The following AKAP19 variants were observed in gnomAD, a reference collection of about 807,000 sequenced individuals.
AKAP19 encodes the protein small A-kinase anchoring protein.
chr2:189,940,151 C>G, the AKAP19 span, among the ~76,000 whole-genome samples: 1 of 152,092 alleles, frequency 6.6e-6, no homozygotes, highest in South Asian at 2.1e-4. Context: ...TGGTGGTGGG[C>G]CCCTGTAGTT....
chr2:189,991,637 C>G, the AKAP19 span, among the ~76,000 whole-genome samples: 13 of 152,150 alleles, frequency 8.5e-5, no homozygotes, highest in African/African-American at 3.1e-4. Context: ...TTTTCTCCCA[C>G]TCTGTGGTTG....
At chr2:189,974,821 T>A in the AKAP19 span, among the ~76,000 whole-genome samples, 3 of 152,218 alleles carry the variant, frequency 2.0e-5, no homozygotes, top group Non-Finnish European at 2.9e-5. Context: ...TTTTTTGTTT[T>A]CCATTTGCTT....
the AKAP19 span, among the ~76,000 whole-genome samples, chr2:190,032,447 G>C: frequency 1.3e-5 from 2 of 152,108 alleles, no homozygotes; most frequent in African/African-American, 4.8e-5. Context: ...GGTGAACTCA[G>C]TATAGTTCCT....
the AKAP19 span, among the ~76,000 whole-genome samples, chr2:189,989,694 A>G: frequency 6.6e-6 from 1 of 152,196 alleles, no homozygotes; most frequent in Non-Finnish European, 1.5e-5. Flanking sequence ...TAAAAGAAGT[A>G]GAACCCCATC....
the AKAP19 span, among the ~76,000 whole-genome samples, chr2:189,932,796 G>T: frequency 6.6e-6 from 1 of 151,896 alleles, no homozygotes; most frequent in African/African-American, 2.4e-5. Context: ...CTTTCCAGCA[G>T]GTTTTTATTG....
At chr2:190,132,335 A>G in the AKAP19 span, among the ~76,000 whole-genome samples, 1 of 152,222 alleles carries the variant, frequency 6.6e-6, no homozygotes, top group Non-Finnish European at 1.5e-5. Flanking sequence ...TGAATAGCGA[A>G]TGCAATCTTG....
At chr2:190,038,901 T>TTTCTTCTTCTTCTTCTTCTTCTTC in the AKAP19 span, among the ~76,000 whole-genome samples, 1 of 46,000 alleles carries the variant, frequency 2.2e-5, no homozygotes, top group African/African-American at 7.3e-5. Context: ...TCTTTCTTTC[T>TTTCTTCTTCTTCTTCTTCTTCTTC]TTCTTCTTCT....
chr2:189,954,386 TATG>T, the AKAP19 span, among the ~76,000 whole-genome samples: 2 of 152,146 alleles, frequency 1.3e-5, no homozygotes, highest in Non-Finnish European at 2.9e-5. Flanking sequence ...GATCAGAACA[TATG>T]ATAAGATCAG....
chr2:189,951,825 G>T, the AKAP19 span, among the ~76,000 whole-genome samples: 3 of 152,162 alleles, frequency 2.0e-5, no homozygotes, highest in Admixed American at 6.5e-5. Flanking sequence ...GAAGGCACTC[G>T]AGAAATAGCA....
At chr2:190,170,807 T>C in the AKAP19 span, among the ~76,000 whole-genome samples, 184 of 152,332 alleles carry the variant, frequency 1.2e-3, 1 homozygote, top group South Asian at 7.7e-3. Context: ...GTAAATTAGA[T>C]GTGCAGAGTC....
At chr2:190,107,846 T>C in the AKAP19 span, among the ~76,000 whole-genome samples, 2 of 152,248 alleles carry the variant, frequency 1.3e-5, no homozygotes, top group Non-Finnish European at 2.9e-5. Flanking sequence ...CTAGACTACC[T>C]AGATTTTAAA....
the AKAP19 span, among the ~76,000 whole-genome samples, chr2:189,909,238 C>T: frequency 1.3e-5 from 2 of 151,468 alleles, no homozygotes; most frequent in African/African-American, 4.8e-5. Flanking sequence ...TGCTTTTAGT[C>T]TGTGTGTTCT....
chr2:190,030,335 G>C, the AKAP19 span, among the ~76,000 whole-genome samples: 1 of 152,116 alleles, frequency 6.6e-6, no homozygotes, highest in Non-Finnish European at 1.5e-5. Context: ...TTTTGTAATA[G>C]AAAATAAATA....
chr2:189,971,704 C>G, the AKAP19 span, among the ~76,000 whole-genome samples: 1 of 151,998 alleles, frequency 6.6e-6, no homozygotes, highest in African/African-American at 2.4e-5. Context: ...TATCTCATTG[C>G]GGTTTTGATT....
At chr2:190,175,006 G>GATTACATA in the AKAP19 span, among the ~76,000 whole-genome samples, 390 of 151,914 alleles carry the variant, frequency 2.6e-3, 1 homozygote, top group South Asian at 4.4e-3. Context: ...TAGATTACAT[G>GATTACATA]GAGTACATAG....
chr2:190,137,140 T>A, the AKAP19 span, among the ~76,000 whole-genome samples: 1 of 152,308 alleles, frequency 6.6e-6, no homozygotes, highest in South Asian at 2.1e-4. Flanking sequence ...AGCTAGGCAA[T>A]CCAGCTTTGC....
chr2:190,094,045 C>G, the AKAP19 span, among the ~76,000 whole-genome samples: 38 of 152,186 alleles, frequency 2.5e-4, no homozygotes, highest in Admixed American at 6.5e-5. Context: ...AGGCCCCACA[C>G]CCCTGCAAGA....
chr2:190,159,452 G>T, the AKAP19 span, among the ~76,000 whole-genome samples: 4 of 152,090 alleles, frequency 2.6e-5, no homozygotes, highest in African/African-American at 9.7e-5. Flanking sequence ...TCAATTTCTG[G>T]GGATTTTTGG....
At chr2:189,914,273 TGTA>T in the AKAP19 span, among the ~76,000 whole-genome samples, 6 of 152,138 alleles carry the variant, frequency 3.9e-5, no homozygotes, top group Non-Finnish European at 7.4e-5. Context: ...TGTTTCATAA[TGTA>T]GTTTATTTAT....
Sources: allele counts gnomAD v4.1 joint callset (sites outside exome capture counted in the v4.1 genomes callset), GRCh38; gene constraint gnomAD v4.1.1; transcripts MANE v1.5; gene names NCBI Gene and HGNC (gene_info 2026-07-23, HGNC 2026-07-21).